JAKMIP2: variants seen among roughly 807,000 people sequenced by gnomAD.
The protein encoded by JAKMIP2 is janus kinase and microtubule-interacting protein 2.
In JAKMIP2, 25 loss-of-function variants were observed where a neutral mutation model predicts 115.0. The observed-to-expected ratio is 0.22, with a 90% confidence interval of 0.16 to 0.30. The LOEUF (loss-of-function observed/expected upper bound fraction) is 0.30. Among genes scored for constraint, JAKMIP2 ranks in the 10% least tolerant of loss-of-function variants. JAKMIP2 has a pLI of 1.00. For synonymous variants in JAKMIP2, 334 were observed against 343.6 expected (o/e 0.97, Z 0.31); for missense variants, 642 against 957.6 (o/e 0.67, Z 4.35).
intron 3 of JAKMIP2, among the ~76,000 whole-genome samples, chr5:147,656,439 A>G (rs1758678134): frequency 6.6e-6 from 1 of 152,190 alleles, no homozygotes; most frequent in African/African-American, 2.4e-5. Flanking sequence ...ACCATTATGT[A>G]ATGCCCTTCT....
At chr5:147,617,383 T>G (rs888807016) in intron 19 of JAKMIP2, among the ~76,000 whole-genome samples, 7 of 152,220 alleles carry the variant, frequency 4.6e-5, no homozygotes, top group Non-Finnish European at 8.8e-5. Context: ...AGGGCTATTA[T>G]GAAGATTAAA....
At chr5:147,638,336 A>G (rs563797467) in intron 10 of JAKMIP2, among the ~76,000 whole-genome samples, 91 of 152,284 alleles carry the variant, frequency 6.0e-4, no homozygotes, top group African/African-American at 1.9e-3. Context: ...AATCTCCAAA[A>G]AGTAAAAGAA....
At chr5:147,765,036 GAA>G (rs1755104926) in intron 1 of JAKMIP2, among the ~76,000 whole-genome samples, 4 of 136,792 alleles carry the variant, frequency 2.9e-5, no homozygotes, top group Admixed American at 7.5e-5. Flanking sequence ...GAGAGAGAAA[GAA>G]AGAAAGAGAG....
chr5:147,736,343 C>A (rs1346925281), intron 1 of JAKMIP2, among the ~76,000 whole-genome samples: 1 of 151,846 alleles, frequency 6.6e-6, no homozygotes, highest in East Asian at 1.9e-4. Context: ...CATCTGTAGT[C>A]CCAGCTACTT....
rs192399641 is a variant in JAKMIP2 at position 147,588,179 on chromosome 5, T to A, written c.*3528A>T. 6.6e-6 allele frequency: 1 copy of A among 152,276 alleles called. No homozygotes were observed. Among genetic ancestry groups the A allele is most frequent in the East Asian group, 1.9e-4 (1 of 5,178 alleles). 9.4% of individuals were successfully genotyped at this position (152,276 alleles called of 1,614,324 possible). On this transcript the variant is annotated 3_prime_UTR_variant, in exon 22 of 22. Transcript: ENST00000616793. ...CTCTCTATGTTTTTCCCCTCTTTCATGAAATTTTTCTATCCTGAATAACTA... is the reference window on the plus strand; with the variant it reads ...CTCTCTATGTTTTTCCCCTCTTTCAAGAAATTTTTCTATCCTGAATAACTA...
At chr5:147,724,410 T>A (rs1753434886) in intron 1 of JAKMIP2, among the ~76,000 whole-genome samples, 1 of 152,206 alleles carries the variant, frequency 6.6e-6, no homozygotes, top group Non-Finnish European at 1.5e-5. Context: ...TCTTCTTACG[T>A]CTTTCTTGCT....
chr5:147,604,982 C>G lies in JAKMIP2; in HGVS notation c.2413-3171G>C, dbSNP rs1755919376. Among the ~76,000 whole-genome samples, 8 of 151,838 alleles carry G rather than the reference C, an allele frequency of 5.3e-5. No homozygotes were observed. In the South Asian group the frequency reaches 1.7e-3, roughly 32 times the overall value. ...TAATGCTATCCCTCCCCTTGCTCCC[C>G]ACCCCCCGACAGGCCCTGGTGTGTG... On this transcript the variant is annotated intron_variant, in intron 20 of 21. Transcript: ENST00000616793.
intron 1 of JAKMIP2, among the ~76,000 whole-genome samples, chr5:147,681,006 G>A (rs915245940): frequency 2.0e-5 from 3 of 152,132 alleles, no homozygotes; most frequent in Non-Finnish European, 4.4e-5. Context: ...TTCTCCTAGT[G>A]TATGAAATCG....
chr5:147,617,359 A>C (rs1443573678), intron 19 of JAKMIP2, among the ~76,000 whole-genome samples: 6 of 152,210 alleles, frequency 3.9e-5, no homozygotes, highest in African/African-American at 1.4e-4. Flanking sequence ...AGATAATAAA[A>C]ATACTTACCT....
chr5:147,682,520 A>G (rs964269988), intron 1 of JAKMIP2, among the ~76,000 whole-genome samples: 1 of 152,228 alleles, frequency 6.6e-6, no homozygotes, highest in Non-Finnish European at 1.5e-5. Context: ...TAACTATTCA[A>G]TAATTATTAT....
At chr5:147,634,006 A>G (rs1757491680) in intron 12 of JAKMIP2, among the ~76,000 whole-genome samples, 1 of 152,112 alleles carries the variant, frequency 6.6e-6, no homozygotes, top group African/African-American at 2.4e-5. Flanking sequence ...TTTGGCTTTT[A>G]AGGGATCAGA....
At chr5:147,766,420 C>G (rs1755160627) in intron 1 of JAKMIP2, among the ~76,000 whole-genome samples, 1 of 151,972 alleles carries the variant, frequency 6.6e-6, no homozygotes, top group Non-Finnish European at 1.5e-5. Flanking sequence ...AACAAAAATC[C>G]AGAATGGACA....
chr5:147,594,343 T>G, intron 21 of JAKMIP2: 1 of 380,600 alleles, frequency 2.6e-6, no homozygotes, highest in South Asian at 1.9e-5. Context: ...AATTCTTTTT[T>G]TTTCTTTTTG....
Position 147,648,357 on chromosome 5 carries a change from A to C in JAKMIP2, c.936+19T>G, listed in dbSNP as rs764668250. 1 of 1,426,738 alleles carries C rather than the reference A, an allele frequency of 7.0e-7. No homozygotes were observed. The highest frequency in any genetic ancestry group is 9.9e-7 in the Non-Finnish European group (1 of 1,012,614). 88.4% of individuals were successfully genotyped at this position (1,426,738 alleles called of 1,614,324 possible). On this transcript the variant is annotated intron_variant, in intron 5 of 21. Transcript: ENST00000616793. The stretch of plus-strand genomic sequence containing the variant: ...AATGCTTAACAACAACATCAACAAA[A>C]ATTTTTAGTATATCTCACCAGTTCA...
At chr5:147,746,692 CTCAT>C (rs1457072102) in intron 1 of JAKMIP2, among the ~76,000 whole-genome samples, 1 of 151,976 alleles carries the variant, frequency 6.6e-6, no homozygotes, top group Non-Finnish European at 1.5e-5. Flanking sequence ...ATACAGTATC[CTCAT>C]TCATTCATTA....
chr5:147,652,006 C>G (rs188521455), intron 3 of JAKMIP2, among the ~76,000 whole-genome samples: 1 of 152,116 alleles, frequency 6.6e-6, no homozygotes, highest in South Asian at 2.1e-4. Flanking sequence ...ATGTACTCAC[C>G]TTGTTAAACT....
intron 4 of JAKMIP2, among the ~76,000 whole-genome samples, chr5:147,648,976 T>G (rs532286812): frequency 5.4e-4 from 82 of 152,268 alleles, no homozygotes; most frequent in Middle Eastern, 6.8e-3. Flanking sequence ...TGAGAAAATG[T>G]TGATGTATTA....
At position 147,692,074 on chromosome 5, in the gene JAKMIP2, C is replaced by T. The variant is rs184405359; in HGVS notation, c.-148-20120G>A. On this transcript the variant is annotated intron_variant, in intron 1 of 21. Coordinates refer to ENST00000616793, the MANE Select transcript of JAKMIP2 (RefSeq NM_001270941.2). The stretch of plus-strand genomic sequence containing the variant: ...CAAAAGATATGTTTAAGTCCTAACT[C>T]CCAGTACCAAGGAATGTCACCTTAC... Among the ~76,000 whole-genome samples the T allele has an allele frequency of 5.5e-3, 841 of 152,204 alleles. 11 individuals carry two copies. Among genetic ancestry groups the T allele is most frequent in the African/African-American group, 0.019 (805 of 41,506 alleles).
intron 1 of JAKMIP2, among the ~76,000 whole-genome samples, chr5:147,702,591 A>AGAAAGAAAGAAAGAAAGAAAGAAAGAAG: frequency 8.8e-6 from 1 of 114,034 alleles, no homozygotes; most frequent in Admixed American, 9.4e-5. Context: ...AAAGAAAGAA[A>AGAAAGAAAGAAAGAAAGAAAGAAAGAAG]GAAAGAAAGA....
Sources: gnomAD v4.1 joint callset for allele counts (sites outside exome capture counted in the v4.1 genomes callset) on GRCh38, gnomAD v4.1.1 for gene constraint, MANE v1.5 for transcripts, NCBI Gene and HGNC (gene_info 2026-07-23, HGNC 2026-07-21) for gene names.